ADCK1: variants seen among roughly 807,000 people sequenced by gnomAD.
ADCK1 encodes the protein aarF domain containing kinase 1.
ADCK1 carries 41 observed loss-of-function variants against 52.3 expected under a neutral mutation model. That is an observed-to-expected ratio of 0.78 (90% CI 0.61 to 1.02). ADCK1 has a LOEUF of 1.02. Among genes scored for constraint, ADCK1 ranks in the 50% least tolerant of loss-of-function variants. The pLI, the probability that ADCK1 is intolerant of heterozygous loss-of-function variation, is 0.00. For missense variants in ADCK1, 658 were observed against 679.5 expected (o/e 0.97, Z 0.35); for synonymous variants, 250 against 274.6 (o/e 0.91, Z 0.89).
At chr14:77,901,711 TC>T (rs1278184637) in intron 6 of ADCK1, among the ~76,000 whole-genome samples, 4 of 152,224 alleles carry the variant, frequency 2.6e-5, no homozygotes, top group Non-Finnish European at 5.9e-5. Context: ...TTAAGGACCA[TC>T]CTGGTGTTCT....
intron 7 of ADCK1, among the ~76,000 whole-genome samples, chr14:77,922,801 A>G (rs571895854): frequency 6.6e-6 from 1 of 152,188 alleles, no homozygotes; most frequent in African/African-American, 2.4e-5. Context: ...TTGGGAGGCT[A>G]ATAAGGATGT....
intron 4 of ADCK1, among the ~76,000 whole-genome samples, chr14:77,868,889 C>G (rs1234208366): frequency 2.0e-5 from 3 of 152,182 alleles, no homozygotes; most frequent in Admixed American, 6.5e-5. Context: ...GCCAAGCAGG[C>G]AGAACCGTGC....
intron 7 of ADCK1, among the ~76,000 whole-genome samples, chr14:77,921,339 A>AAAAAAAAAAG (rs2084051975): frequency 6.7e-6 from 1 of 149,406 alleles, no homozygotes; most frequent in African/African-American, 2.5e-5. Context: ...AAAAAAAAAA[A>AAAAAAAAAAG]AAAAAAAAAG....
At chr14:77,809,054 GA>G (rs1161741312) in intron 1 of ADCK1, among the ~76,000 whole-genome samples, 2 of 152,194 alleles carry the variant, frequency 1.3e-5, no homozygotes, top group East Asian at 3.8e-4. Flanking sequence ...GATAATGAGG[GA>G]TTGAGTGTGG....
intron 3 of ADCK1, among the ~76,000 whole-genome samples, chr14:77,835,540 G>A (rs1259755955): frequency 1.3e-5 from 2 of 152,218 alleles, no homozygotes; most frequent in African/African-American, 4.8e-5. Context: ...CAGCACCCAG[G>A]TGGTTCACAA....
chr14:77,820,851 C>T (rs762880917), intron 2 of ADCK1, among the ~76,000 whole-genome samples: 11 of 151,858 alleles, frequency 7.2e-5, no homozygotes, highest in Non-Finnish European at 1.3e-4. Context: ...GCAGCCTTCA[C>T]CTCCTGGGTC....
At chr14:77,909,036 G>A (rs1595070409) in intron 7 of ADCK1, among the ~76,000 whole-genome samples, 1 of 152,034 alleles carries the variant, frequency 6.6e-6, no homozygotes, top group South Asian at 2.1e-4. Flanking sequence ...AGGCACTGTG[G>A]AGTCACTTCA....
At chr14:77,853,914 C>T (rs1286679653) in intron 3 of ADCK1, among the ~76,000 whole-genome samples, 2 of 152,176 alleles carry the variant, frequency 1.3e-5, no homozygotes, top group Non-Finnish European at 2.9e-5. Flanking sequence ...CCTGGCTTCC[C>T]CTCCCTGCCA....
chr14:77,867,727 T>C (rs1594972402), intron 4 of ADCK1, among the ~76,000 whole-genome samples: 3 of 152,216 alleles, frequency 2.0e-5, no homozygotes, highest in East Asian at 3.9e-4. Flanking sequence ...CCTGCAGGCC[T>C]GTACCCTGTC....
At chr14:77,839,918 C>CAAAA (rs10581300) in intron 3 of ADCK1, among the ~76,000 whole-genome samples, 2 of 69,700 alleles carry the variant, frequency 2.9e-5, no homozygotes, top group Non-Finnish European at 5.1e-5. Context: ...GACCCTGTCT[C>CAAAA]AAAAAAAAAA....
intron 3 of ADCK1, among the ~76,000 whole-genome samples, chr14:77,844,515 C>A (rs2082137057): frequency 6.6e-6 from 1 of 152,170 alleles, no homozygotes; most frequent in Non-Finnish European, 1.5e-5. Flanking sequence ...CTTAGCTCTC[C>A]CCCCTGTTGG....
At chr14:77,822,309 A>T in intron 2 of ADCK1, 126 bp from the exon 3 acceptor site, 1 of 717,446 alleles carries the variant, frequency 1.4e-6, no homozygotes, top group Non-Finnish European at 2.5e-6. Flanking sequence ...CAGGCATCTT[A>T]GGGGTGGGAC....
At chr14:77,910,164 A>G (rs1178765273) in intron 7 of ADCK1, among the ~76,000 whole-genome samples, 2 of 152,050 alleles carry the variant, frequency 1.3e-5, no homozygotes, top group African/African-American at 4.8e-5. Flanking sequence ...CTACACTGAA[A>G]CAGATACCAC....
intron 9 of ADCK1, among the ~76,000 whole-genome samples, chr14:77,929,468 A>T (rs552851109): frequency 6.6e-6 from 1 of 152,346 alleles, no homozygotes; most frequent in African/African-American, 2.4e-5. Flanking sequence ...AACCTTTTTT[A>T]GAAGTGCCGG....
chr14:77,857,087 C>G lies in ADCK1; in HGVS notation c.220-1989C>G, dbSNP rs947810179. ...GTCTGAGACAGCCCCTCTGCTGTGT[C>G]GGGAGGTGGGCGGATGGGCCCTCTG... On this transcript the variant is annotated intron_variant, in intron 3 of 10. Coordinates refer to ENST00000238561, the MANE Select transcript of ADCK1 (RefSeq NM_020421.4). Among the ~76,000 whole-genome samples the G allele has an allele frequency of 4.6e-5, 7 of 152,078 alleles. No homozygotes were observed. In the East Asian group the frequency reaches 1.4e-3, roughly 29 times the overall value.
intron 4 of ADCK1, among the ~76,000 whole-genome samples, chr14:77,875,092 T>A (rs1594989429): frequency 6.6e-6 from 1 of 151,298 alleles, no homozygotes; most frequent in African/African-American, 2.4e-5. Context: ...GGAACAAGAG[T>A]AGAACTCACT....
intron 6 of ADCK1, 26 bp from the exon 7 acceptor site, chr14:77,907,777 A>T (rs752289467): frequency 1.5e-5 from 23 of 1,581,990 alleles, no homozygotes; most frequent in Admixed American, 8.5e-5. Context: ...TCCCCAGACC[A>T]TCTGACCTGT....
At chr14:77,852,101 T>C (rs2082296112) in intron 3 of ADCK1, among the ~76,000 whole-genome samples, 1 of 151,966 alleles carries the variant, frequency 6.6e-6, no homozygotes, top group African/African-American at 2.4e-5. Context: ...CGGGTGCAAG[T>C]GATTCTTCTG....
chr14:77,852,654 TAA>T (rs1491543627), intron 3 of ADCK1, among the ~76,000 whole-genome samples: 61 of 19,398 alleles, frequency 3.1e-3, no homozygotes, highest in African/African-American at 3.6e-3. Flanking sequence ...TTTCTTTAAA[TAA>T]ATAAATATAT....
Sources: allele counts gnomAD v4.1 joint callset (sites outside exome capture counted in the v4.1 genomes callset), GRCh38; gene constraint gnomAD v4.1.1; transcripts MANE v1.5; gene names NCBI Gene and HGNC (gene_info 2026-07-23, HGNC 2026-07-21).